Variants in SLC8A1 observed in about 807,000 individuals in gnomAD.
The protein encoded by SLC8A1 is sodium/calcium exchanger 1.
SLC8A1 carries 18 observed loss-of-function variants against 68.3 expected under a neutral mutation model. That is an observed-to-expected ratio of 0.26 (90% confidence interval 0.18 to 0.39). The LOEUF (loss-of-function observed/expected upper bound fraction) is 0.39. Among genes scored for constraint, SLC8A1 ranks in the 10% least tolerant of loss-of-function variants. The pLI is 1.00. For synonymous variants in SLC8A1, 475 were observed against 415.5 expected (o/e 1.14, Z -1.74); for missense variants, 985 against 1,156.7 (o/e 0.85, Z 2.15).
intron 2 of SLC8A1, among the ~76,000 whole-genome samples, chr2:40,275,605 T>G (rs1355154973): frequency 6.6e-6 from 1 of 152,122 alleles, no homozygotes; most frequent in Middle Eastern, 3.2e-3. Context: ...TACGTGGGTT[T>G]TACATGAGCT....
At chr2:40,113,465 G>A (rs1258974222) in exon 8 of SLC8A1, 1 of 152,732 alleles carries the variant, frequency 6.5e-6, no homozygotes, top group Non-Finnish European at 1.5e-5. Context: ...AAATATCCCA[G>A]TCCAATCCTC....
intron 7 of SLC8A1, among the ~76,000 whole-genome samples, chr2:40,129,438 G>A (rs2038873661): frequency 6.6e-6 from 1 of 151,740 alleles, no homozygotes; most frequent in Non-Finnish European, 1.5e-5. Flanking sequence ...GTCTCTCTAT[G>A]TTGCCCAGGC....
chr2:40,143,745 G>C (rs567254038), intron 6 of SLC8A1, among the ~76,000 whole-genome samples: 1 of 152,290 alleles, frequency 6.6e-6, no homozygotes, highest in South Asian at 2.1e-4. Flanking sequence ...GACGGTGAAA[G>C]ACAACCCCCT....
chr2:40,269,316 T>G (rs762233539), intron 2 of SLC8A1, among the ~76,000 whole-genome samples: 1 of 152,224 alleles, frequency 6.6e-6, no homozygotes. Context: ...TTAAGGCCAA[T>G]GCTTTTGTAC....
intron 2 of SLC8A1, among the ~76,000 whole-genome samples, chr2:40,383,538 A>G (rs1224736112): frequency 6.6e-6 from 1 of 152,094 alleles, no homozygotes; most frequent in African/African-American, 2.4e-5. Context: ...AATTATATAA[A>G]TTATCTCTTT....
intron 2 of SLC8A1, among the ~76,000 whole-genome samples, chr2:40,361,399 T>A (rs934497855): frequency 6.6e-6 from 1 of 151,784 alleles, no homozygotes; most frequent in Non-Finnish European, 1.5e-5. Flanking sequence ...GGTCTATATA[T>A]GAACACTTCA....
At chr2:40,306,683 C>A (rs1026939959) in intron 2 of SLC8A1, among the ~76,000 whole-genome samples, 1 of 152,122 alleles carries the variant, frequency 6.6e-6, no homozygotes, top group African/African-American at 2.4e-5. Context: ...CAAATCTTTT[C>A]GTTTGGAACA....
chr2:40,183,420 T>C (rs919967793), intron 2 of SLC8A1, among the ~76,000 whole-genome samples: 2 of 152,210 alleles, frequency 1.3e-5, no homozygotes, highest in African/African-American at 4.8e-5. Context: ...TTATATTCCA[T>C]GATGGCTGCT....
At chr2:40,467,467 T>G (rs1414780429) in intron 1 of SLC8A1, among the ~76,000 whole-genome samples, 1 of 152,088 alleles carries the variant, frequency 6.6e-6, no homozygotes, top group Non-Finnish European at 1.5e-5. Context: ...TCAAAACAAT[T>G]TTATTCACTC....
intron 2 of SLC8A1, among the ~76,000 whole-genome samples, chr2:40,220,722 C>T (rs2058201695): frequency 6.6e-6 from 1 of 152,096 alleles, no homozygotes; most frequent in Admixed American, 6.6e-5. Flanking sequence ...CTCTATTTGT[C>T]TCGCTCTTTC....
At chr2:40,191,561 G>A (rs1048376378) in intron 2 of SLC8A1, among the ~76,000 whole-genome samples, 7 of 152,110 alleles carry the variant, frequency 4.6e-5, no homozygotes, top group African/African-American at 1.7e-4. Context: ...GTTTATGATG[G>A]AAGTTTCCCC....
At chr2:40,250,525 G>A (rs1445058516) in intron 2 of SLC8A1, 1 of 152,050 alleles carries the variant, frequency 6.6e-6, no homozygotes, top group East Asian at 1.9e-4. Context: ...TGCAAGCGTG[G>A]GGGGGCGGTG....
At chr2:40,497,723 T>C (rs985003666) in intron 1 of SLC8A1, among the ~76,000 whole-genome samples, 2 of 152,038 alleles carry the variant, frequency 1.3e-5, no homozygotes, top group Non-Finnish European at 2.9e-5. Flanking sequence ...GAGACAAACT[T>C]AGGGCTACTA....
chr2:40,379,644 CTTTT>C (rs34939348), intron 2 of SLC8A1, among the ~76,000 whole-genome samples: 2 of 146,558 alleles, frequency 1.4e-5, no homozygotes, highest in Non-Finnish European at 3.0e-5. Flanking sequence ...ATGATTTTGC[CTTTT>C]TTTTTTTCCC....
chr2:40,180,686 A>C (rs2049348695), intron 2 of SLC8A1, among the ~76,000 whole-genome samples: 1 of 152,226 alleles, frequency 6.6e-6, no homozygotes. Context: ...TATTCTTGTT[A>C]GCATTACTTA....
chr2:40,181,671 A>T (rs13015421), intron 2 of SLC8A1, among the ~76,000 whole-genome samples: 3 of 152,314 alleles, frequency 2.0e-5, no homozygotes, highest in African/African-American at 7.2e-5. Flanking sequence ...GGCAGGATGA[A>T]GTCAGTCCTT....
At chr2:40,108,402 C>G (rs971207384) in exon 8 of SLC8A1, 1 of 152,146 alleles carries the variant, frequency 6.6e-6, no homozygotes, top group African/African-American at 2.4e-5. Context: ...ATTTATTTCA[C>G]TTAAATATAA....
intron 6 of SLC8A1, among the ~76,000 whole-genome samples, chr2:40,154,116 A>T (rs1157531060): frequency 6.6e-6 from 1 of 152,094 alleles, no homozygotes; most frequent in East Asian, 1.9e-4. Context: ...GTGACCCTAC[A>T]CAAGTTACGT....
chr2:40,362,660 C>T (rs528698198), intron 2 of SLC8A1, among the ~76,000 whole-genome samples: 4 of 152,018 alleles, frequency 2.6e-5, no homozygotes, highest in African/African-American at 9.6e-5. Context: ...AATGTTGTTG[C>T]CTTGGGTGGG....
Sources: allele counts gnomAD v4.1 joint callset (sites outside exome capture counted in the v4.1 genomes callset), GRCh38; gene constraint gnomAD v4.1.1; transcripts MANE v1.5; gene names NCBI Gene and HGNC (gene_info 2026-07-23, HGNC 2026-07-21).